The following UBE2QL1 variants were observed in gnomAD, a reference collection of about 807,000 sequenced individuals.
The protein encoded by UBE2QL1 is ubiquitin conjugating enzyme E2 QL1, also known as ubiquitin-conjugating enzyme E2Q-like protein 1.
A neutral mutation model predicts 12.6 loss-of-function variants in UBE2QL1; 5 were observed. The ratio of observed to expected loss-of-function variants is 0.40; its 90% CI spans 0.21 to 0.83. The LOEUF (loss-of-function observed/expected upper bound fraction) is 0.83, where lower values mean the gene tolerates loss of function less well. Ranked by LOEUF, UBE2QL1 falls within the 40% of genes least tolerant of loss-of-function variation. The pLI, the probability that UBE2QL1 is intolerant of heterozygous loss-of-function variation, is 0.37. For missense variants in UBE2QL1, 99 were observed against 222.6 expected, an observed-to-expected ratio of 0.44 and a Z score of 3.53; for synonymous variants, 96 against 94.5, an observed-to-expected ratio of 1.02 and a Z score of -0.10.
Position 6,480,438 on chromosome 5 carries a change from A to G in UBE2QL1, c.355-10780A>G, listed in dbSNP as rs535394424. ...CGACACAGCCACCACGATGTCACTA[A>G]TGAGCGTATCTGTCACTTACCTGTC... On this transcript the variant is annotated intron_variant, in intron 1 of 1. Transcript: ENST00000399816. 8.5e-5 allele frequency among the ~76,000 whole-genome samples: 13 copies of G among 152,320 alleles called. No homozygotes were observed. In the South Asian group the frequency reaches 2.5e-3, roughly 29 times the overall value.
chr5:6,487,808 G>A (rs938643101), intron 1 of UBE2QL1, among the ~76,000 whole-genome samples: 5 of 152,352 alleles, frequency 3.3e-5, no homozygotes, highest in African/African-American at 1.2e-4. Context: ...TCAAGAGACT[G>A]TATCCTGGAA....
chr5:6,486,260 G>A (rs1465260423), intron 1 of UBE2QL1, among the ~76,000 whole-genome samples: 1 of 151,976 alleles, frequency 6.6e-6, no homozygotes, highest in African/African-American at 2.4e-5. Flanking sequence ...GGGATTTGAA[G>A]CCAGGTCTAC....
Position 6,491,539 on chromosome 5 carries a change from C to T in UBE2QL1, c.*190C>T, listed in dbSNP as rs749807490. On this transcript the variant is annotated 3_prime_UTR_variant, in exon 2 of 2. Coordinates refer to ENST00000399816, the MANE Select transcript of UBE2QL1 (RefSeq NM_001145161.3). Reference sequence around the variant, plus strand: ...AGAGGAAGAGGGAGCAAATGCCGTTCGGATTATGTTTCGATTATAAATGAA... The same window carrying T: ...AGAGGAAGAGGGAGCAAATGCCGTTTGGATTATGTTTCGATTATAAATGAA... 6.1e-5 allele frequency: 39 copies of T among 644,526 alleles called. No individual in the cohort carries two copies. Among genetic ancestry groups the T allele is most frequent in the East Asian group, 9.9e-5 (3 of 30,290 alleles). The allele number at this position is 644,526 out of a possible 1,614,324, so 39.9% of individuals were successfully genotyped here.
In UBE2QL1 at chr5:6,494,316, C is replaced by T. The variant is rs984200192; in HGVS notation, c.*2967C>T. Reference sequence around the variant, plus strand: ...GTTATTCCCCCTAGTTACACACACACGCACATGTGCCAATACTCCTGCAAA... The same window carrying T: ...GTTATTCCCCCTAGTTACACACACATGCACATGTGCCAATACTCCTGCAAA... On this transcript the variant is annotated 3_prime_UTR_variant, in exon 2 of 2. Transcript: ENST00000399816. 7.9e-5 allele frequency: 12 copies of T among 152,174 alleles called. No homozygotes were observed. Among genetic ancestry groups the T allele is most frequent in the African/African-American group, 2.9e-4 (12 of 41,432 alleles). The allele number at this position is 152,174 out of a possible 1,614,324, so 9.4% of individuals were successfully genotyped here.
chr5:6,464,713 G>A (rs974898771), intron 1 of UBE2QL1, among the ~76,000 whole-genome samples: 2 of 152,196 alleles, frequency 1.3e-5, no homozygotes, highest in Non-Finnish European at 1.5e-5. Context: ...GGGTGACACC[G>A]GGTGCCTCAG....
intron 1 of UBE2QL1, among the ~76,000 whole-genome samples, chr5:6,459,888 A>G: frequency 6.6e-6 from 1 of 152,212 alleles, no homozygotes; most frequent in East Asian, 1.9e-4. Flanking sequence ...GTTCAAAGTT[A>G]GTGAAAATGG....
intron 1 of UBE2QL1, among the ~76,000 whole-genome samples, chr5:6,482,651 AG>A (rs1734385286): frequency 6.6e-6 from 1 of 152,152 alleles, no homozygotes; most frequent in Non-Finnish European, 1.5e-5. Flanking sequence ...CAATAGGCAG[AG>A]ACATTTTTGG....
intron 1 of UBE2QL1, among the ~76,000 whole-genome samples, chr5:6,458,179 G>A (rs79736902): frequency 0.011 from 1,677 of 152,306 alleles, 26 homozygotes; most frequent in African/African-American, 0.039. Context: ...TTGAAGGAAT[G>A]TCTACCTTAA....
chr5:6,460,195 C>A (rs972339103), intron 1 of UBE2QL1, among the ~76,000 whole-genome samples: 1 of 152,276 alleles, frequency 6.6e-6, no homozygotes, highest in East Asian at 1.9e-4. Context: ...AGGCACCCAC[C>A]TCCCTGAGCA....
rs764123584 is a variant in UBE2QL1 at position 6,476,187 on chromosome 5, G to A, written c.355-15031G>A. ...TCCTAGGAGGCGGGGCCTGAGCAGG[G>A]AGGGGGTGGGGTCCCGATGTTTGTG... On this transcript the variant is annotated intron_variant, in intron 1 of 1. Coordinates refer to ENST00000399816, the MANE Select transcript of UBE2QL1 (RefSeq NM_001145161.3). This position sits in a 1 kb window ranked among gnomAD's most constrained non-coding sequence, Gnocchi z 4.9. 6.6e-6 allele frequency among the ~76,000 whole-genome samples: 1 copy of A among 151,798 alleles called. No individual in the cohort carries two copies. Among genetic ancestry groups the A allele is most frequent in the East Asian group, 2.0e-4 (1 of 5,120 alleles).
intron 1 of UBE2QL1, among the ~76,000 whole-genome samples, chr5:6,456,466 A>G (rs1238249522): frequency 6.6e-6 from 1 of 152,234 alleles, no homozygotes; most frequent in Admixed American, 6.5e-5. Flanking sequence ...AAGGCCAGGC[A>G]TGCCCCCACA....
chr5:6,460,951 A>G (rs1666490414), intron 1 of UBE2QL1, among the ~76,000 whole-genome samples: 1 of 152,218 alleles, frequency 6.6e-6, no homozygotes, highest in African/African-American at 2.4e-5. Context: ...AAAATTTGTA[A>G]AAAGCTGTGG....
chr5:6,487,391 T>G (rs1445989184), intron 1 of UBE2QL1, among the ~76,000 whole-genome samples: 3 of 152,196 alleles, frequency 2.0e-5, no homozygotes, highest in Non-Finnish European at 4.4e-5. Flanking sequence ...CAATGAGACT[T>G]TTAAGGTGGT....
At chr5:6,473,643 A>G (rs1230025803) in intron 1 of UBE2QL1, among the ~76,000 whole-genome samples, 1 of 152,260 alleles carries the variant, frequency 6.6e-6, no homozygotes, top group African/African-American at 2.4e-5. Context: ...AGGCAATTCT[A>G]GCATCTACAA....
intron 1 of UBE2QL1, among the ~76,000 whole-genome samples, chr5:6,460,637 A>G (rs1027948759): frequency 1.4e-4 from 22 of 152,244 alleles, no homozygotes; most frequent in African/African-American, 5.3e-4. Flanking sequence ...TTATTGTTCC[A>G]GCACAGATTG....
chr5:6,459,913 T>C (rs1483202637), intron 1 of UBE2QL1, among the ~76,000 whole-genome samples: 50 of 152,116 alleles, frequency 3.3e-4, no homozygotes, highest in Admixed American at 3.3e-3. Flanking sequence ...ATTTTTCCCA[T>C]CCAAATATAT....
At chr5:6,486,021 A>G (rs1233412865) in intron 1 of UBE2QL1, among the ~76,000 whole-genome samples, 3 of 152,318 alleles carry the variant, frequency 2.0e-5, no homozygotes, top group East Asian at 1.9e-4. Context: ...TATCTTTACC[A>G]AAGGAGAAGA....
chr5:6,493,635 A>G lies in UBE2QL1; in HGVS notation c.*2286A>G, dbSNP rs758619525. Reference sequence around the variant, plus strand: ...TTTCCATTAGGTTTGTTAGAAACTTATAGAAGAAATCAATTCTTTAGTGAA... The same window carrying G: ...TTTCCATTAGGTTTGTTAGAAACTTGTAGAAGAAATCAATTCTTTAGTGAA... On this transcript the variant is annotated 3_prime_UTR_variant, in exon 2 of 2. Coordinates refer to ENST00000399816, the MANE Select transcript of UBE2QL1 (RefSeq NM_001145161.3). 6.6e-6 allele frequency: 1 copy of G among 152,262 alleles called. No homozygotes were observed. Among genetic ancestry groups the G allele is most frequent in the Admixed American group, 6.5e-5 (1 of 15,290 alleles). 9.4% of individuals were successfully genotyped at this position (152,262 alleles called of 1,614,324 possible).
At chr5:6,467,181 GCT>G (rs1739816049) in intron 1 of UBE2QL1, among the ~76,000 whole-genome samples, 1 of 151,446 alleles carries the variant, frequency 6.6e-6, no homozygotes, top group Non-Finnish European at 1.5e-5. Flanking sequence ...CTCCCTCCCT[GCT>G]CTCTCTCCCT....
Sources: allele counts gnomAD v4.1 joint callset (sites outside exome capture counted in the v4.1 genomes callset), GRCh38; gene constraint gnomAD v4.1.1; non-coding constraint Gnocchi (gnomAD v3.1); transcripts MANE v1.5; gene names NCBI Gene and HGNC (gene_info 2026-07-23, HGNC 2026-07-21).